The following RPS5 variants were observed in gnomAD, a reference collection of about 807,000 sequenced individuals.
RPS5 encodes small ribosomal subunit protein uS7.
RPS5 carries 2 observed loss-of-function variants against 20.9 expected under a neutral mutation model. The observed-to-expected ratio is 0.10, with a 90% CI of 0.04 to 0.30. The LOEUF (loss-of-function observed/expected upper bound fraction) is 0.30, where lower values mean the gene tolerates loss of function less well. RPS5 is among the 10% of genes least tolerant of loss of function. The probability of loss-of-function intolerance (pLI) is 1.00; values close to 1 mark genes in which losing one functional copy is unlikely to be tolerated. For missense variants in RPS5, 122 were observed against 287.2 expected (o/e 0.42, Z 4.16); for synonymous variants, 112 against 105.8 (o/e 1.06, Z -0.36).
At chr19:58,392,473 A>T (rs1352451714) in intron 2 of RPS5, among the ~76,000 whole-genome samples, 3 of 152,022 alleles carry the variant, frequency 2.0e-5, no homozygotes, top group Non-Finnish European at 4.4e-5. Flanking sequence ...AAATACAAAA[A>T]AACTAGCTAG....
intron 4 of RPS5, 117 bp from the exon 5 acceptor site, chr19:58,394,379 CT>C: frequency 2.6e-6 from 2 of 771,866 alleles, no homozygotes; most frequent in Non-Finnish European, 4.5e-6. Context: ...ATGCCACCAC[CT>C]CTTGTCTCAG....
At chr19:58,393,256 C>T in intron 3 of RPS5, 71 bp downstream of exon 3, 1 of 1,610,190 alleles carries the variant, frequency 6.2e-7, no homozygotes, top group Non-Finnish European at 8.5e-7. Context: ...GAGTGTATGT[C>T]AGGCTTATCC....
intron 2 of RPS5, 123 bp from the exon 3 acceptor site, chr19:58,392,853 C>A: frequency 2.3e-6 from 2 of 856,096 alleles, no homozygotes; most frequent in Non-Finnish European, 3.7e-6. Context: ...TTGAGGCATA[C>A]CAGGATCCCA....
intron 1 of RPS5, chr19:58,387,842 G>A (rs1452240703): frequency 2.3e-6 from 1 of 431,610 alleles, no homozygotes; most frequent in African/African-American, 2.0e-5. Context: ...AGCCCATGCA[G>A]TGTGAGGACG....
chr19:58,390,024 A>G (rs1433833980), intron 2 of RPS5, among the ~76,000 whole-genome samples: 4 of 150,152 alleles, frequency 2.7e-5, no homozygotes, highest in Non-Finnish European at 5.9e-5. Flanking sequence ...CCTCCCAAGT[A>G]GCGGGGATTA....
chr19:58,392,618 C>CA (rs112715872), intron 2 of RPS5, among the ~76,000 whole-genome samples: 14,450 of 132,480 alleles, frequency 0.11, 2,155 homozygotes, highest in African/African-American at 0.34. Context: ...GTGAGAGACT[C>CA]AAAAAAAAAA....
Position 58,393,443 on chromosome 19 carries a change from A to C in RPS5, c.403A>C (p.Arg135=), listed in dbSNP as rs11545063. 1.2e-6 allele frequency: 2 copies of C among 1,613,268 alleles called. No individual in the cohort carries two copies. The highest frequency in any genetic ancestry group is 1.7e-6 in the Non-Finnish European group (2 of 1,180,038). ...STRIGRAGTV[R]RQAVDVSPLR... Reference sequence around the variant, plus strand: ...ACGCATTGGGCGCGCCGGGACTGTGAGACGACAGGCTGTGGATGTGTCCCC... The same window carrying C: ...ACGCATTGGGCGCGCCGGGACTGTGCGACGACAGGCTGTGGATGTGTCCCC... Residue 135 remains arginine, a synonymous_variant, in exon 4 of 6, where the codon AGA becomes CGA. Coordinates refer to ENST00000196551, the MANE Select transcript of RPS5 (RefSeq NM_001009.4).
At chr19:58,389,473 T>C (rs560564257) in intron 2 of RPS5, among the ~76,000 whole-genome samples, 3 of 152,202 alleles carry the variant, frequency 2.0e-5, no homozygotes, top group Non-Finnish European at 4.4e-5. Context: ...TTTTTTGTTG[T>C]CTGTAAAGAT....
At chr19:58,394,265 G>A (rs2052382762) in intron 4 of RPS5, 1 of 543,274 alleles carries the variant, frequency 1.8e-6, no homozygotes, top group Non-Finnish European at 3.3e-6. Context: ...TGCTGTTGAG[G>A]CAGGTCTCAA....
intron 2 of RPS5, among the ~76,000 whole-genome samples, chr19:58,391,293 A>G (rs367642659): frequency 6.6e-6 from 1 of 151,928 alleles, no homozygotes; most frequent in African/African-American, 2.4e-5. Context: ...TTAGCCTTGC[A>G]TGGTGGCGTG....
intron 2 of RPS5, 147 bp from the exon 3 acceptor site, chr19:58,392,829 A>T: frequency 1.4e-6 from 1 of 694,270 alleles, no homozygotes; most frequent in Non-Finnish European, 2.4e-6. Flanking sequence ...TGGGGCTTAC[A>T]TCCAAGTCCC....
intron 2 of RPS5, among the ~76,000 whole-genome samples, chr19:58,390,525 T>A (rs536884906): frequency 1.6e-5 from 2 of 126,394 alleles, no homozygotes; most frequent in African/African-American, 5.9e-5. Flanking sequence ...AACCTCCACC[T>A]CCTAGGTTCA....
intron 4 of RPS5, 96 bp from the exon 5 acceptor site, chr19:58,394,401 G>A (rs2052383784): frequency 1.0e-6 from 1 of 994,776 alleles, no homozygotes; most frequent in African/African-American, 1.6e-5. Context: ...TGGGCCTATG[G>A]GTGACAACGT....
At chr19:58,389,303 T>C (rs1247548848) in intron 2 of RPS5, among the ~76,000 whole-genome samples, 1 of 152,140 alleles carries the variant, frequency 6.6e-6, no homozygotes, top group Admixed American at 6.5e-5. Flanking sequence ...ATAAGATCAC[T>C]CTCTGTCACC....
chr19:58,394,643 G>A, intron 5 of RPS5, 39 bp from the exon 6 acceptor site: 1 of 1,613,790 alleles, frequency 6.2e-7, no homozygotes, highest in East Asian at 2.2e-5. Flanking sequence ...GGCATTTGTG[G>A]GGGTCCTTCA....
intron 2 of RPS5, among the ~76,000 whole-genome samples, chr19:58,389,253 C>A (rs1170980231): frequency 1.3e-5 from 2 of 152,038 alleles, no homozygotes; most frequent in African/African-American, 4.8e-5. Context: ...TATTCACTTT[C>A]CTCCTCTTTT....
chr19:58,387,968 C>T, intron 1 of RPS5, 169 bp from the exon 2 acceptor site: 1 of 600,062 alleles, frequency 1.7e-6, no homozygotes, highest in Non-Finnish European at 3.0e-6. Flanking sequence ...TTGCTGACAG[C>T]TGAGTAATTT....
At chr19:58,392,265 A>G (rs1356429413) in intron 2 of RPS5, among the ~76,000 whole-genome samples, 1 of 152,076 alleles carries the variant, frequency 6.6e-6, no homozygotes, top group East Asian at 1.9e-4. Flanking sequence ...CAGAAGTTGC[A>G]GTGAGCCGAG....
chr19:58,394,287 T>C, intron 4 of RPS5: 1 of 568,016 alleles, frequency 1.8e-6, no homozygotes, highest in South Asian at 2.0e-5. Flanking sequence ...CTCCTGTCAC[T>C]GGGGACGCAA....
Sources: gnomAD v4.1 joint callset for allele counts (sites outside exome capture counted in the v4.1 genomes callset) on GRCh38, gnomAD v4.1.1 for gene constraint, MANE v1.5 for transcripts, NCBI Gene and HGNC (gene_info 2026-07-23, HGNC 2026-07-21) for gene names.